The following NRG3 variants were observed in gnomAD, a reference collection of about 807,000 sequenced individuals.
The protein encoded by NRG3 is neuregulin 3.
NRG3 carries 31 observed loss-of-function variants against 66.9 expected under a neutral mutation model. The ratio of observed to expected loss-of-function variants is 0.46; its 90% CI spans 0.35 to 0.63. The LOEUF (loss-of-function observed/expected upper bound fraction) is 0.63. NRG3 is among the 20% of genes least tolerant of loss of function. The pLI is 0.00. For missense variants in NRG3, 910 were observed against 878.9 expected (o/e 1.04, Z -0.45); for synonymous variants, 393 against 359.4 (o/e 1.09, Z -1.06).
At chr10:82,968,824 T>A (rs1351524776) in intron 6 of NRG3, among the ~76,000 whole-genome samples, 2 of 152,284 alleles carry the variant, frequency 1.3e-5, no homozygotes, top group African/African-American at 2.4e-5. Flanking sequence ...TACCCAAGAC[T>A]GGATGATTTA....
intron 2 of NRG3, among the ~76,000 whole-genome samples, chr10:82,686,913 G>C (rs1164046600): frequency 2.0e-5 from 3 of 152,138 alleles, no homozygotes; most frequent in Non-Finnish European, 4.4e-5. Flanking sequence ...AACTTGACTG[G>C]GAGTTGTAAA....
intron 1 of NRG3, among the ~76,000 whole-genome samples, chr10:82,344,959 A>G (rs1253830011): frequency 2.7e-5 from 3 of 112,562 alleles, no homozygotes; most frequent in Non-Finnish European, 4.8e-5. Flanking sequence ...GATTCTGGAT[A>G]TTAGCCCTTT....
chr10:81,882,183 G>A (rs1260525975), intron 1 of NRG3, among the ~76,000 whole-genome samples: 8 of 152,196 alleles, frequency 5.3e-5, no homozygotes, highest in African/African-American at 1.9e-4. Flanking sequence ...GGCAGTTGCA[G>A]CAGAGTGTAG....
intron 4 of NRG3, among the ~76,000 whole-genome samples, chr10:82,898,945 C>T (rs1239461731): frequency 2.6e-5 from 4 of 151,828 alleles, no homozygotes; most frequent in East Asian, 1.9e-4. Flanking sequence ...CTCCTGACCT[C>T]GTGATCTGCC....
chr10:82,215,006 A>T (rs2075592089), intron 1 of NRG3, among the ~76,000 whole-genome samples: 1 of 152,182 alleles, frequency 6.6e-6, no homozygotes, highest in Non-Finnish European at 1.5e-5. Context: ...ATACCAGTTA[A>T]GTACTCATAT....
At chr10:82,805,080 C>A (rs1337720998) in intron 3 of NRG3, among the ~76,000 whole-genome samples, 2 of 152,228 alleles carry the variant, frequency 1.3e-5, no homozygotes, top group South Asian at 2.1e-4. Context: ...CACACAAATC[C>A]CCTGATGAAC....
At chr10:82,441,945 A>G (rs2090453585) in intron 2 of NRG3, among the ~76,000 whole-genome samples, 1 of 152,174 alleles carries the variant, frequency 6.6e-6, no homozygotes, top group Non-Finnish European at 1.5e-5. Context: ...CCAGAGCTTG[A>G]TAATTTAGTT....
At chr10:81,934,094 C>T (rs945431342) in intron 1 of NRG3, among the ~76,000 whole-genome samples, 3 of 152,098 alleles carry the variant, frequency 2.0e-5, no homozygotes, top group Non-Finnish European at 4.4e-5. Flanking sequence ...CAGACAGATC[C>T]CCAATTCAGA....
intron 1 of NRG3, among the ~76,000 whole-genome samples, chr10:82,023,022 A>T (rs2062132097): frequency 6.6e-6 from 1 of 151,502 alleles, no homozygotes; most frequent in Non-Finnish European, 1.5e-5. Flanking sequence ...ATCACCTCAG[A>T]TATTTATTCT....
chr10:82,026,171 A>G (rs1175596839), intron 1 of NRG3, among the ~76,000 whole-genome samples: 2 of 152,024 alleles, frequency 1.3e-5, no homozygotes, highest in African/African-American at 4.8e-5. Context: ...TACTAGCTTT[A>G]AGATCTCTGC....
intron 4 of NRG3, among the ~76,000 whole-genome samples, chr10:82,907,162 C>A (rs956352414): frequency 9.2e-5 from 14 of 152,206 alleles, no homozygotes; most frequent in African/African-American, 3.1e-4. Flanking sequence ...GTCTACCCTT[C>A]ATGCCTCTAG....
chr10:81,980,324 T>C (rs982054446), intron 1 of NRG3, among the ~76,000 whole-genome samples: 3 of 152,204 alleles, frequency 2.0e-5, no homozygotes, highest in African/African-American at 7.2e-5. Flanking sequence ...TAGCTAACTT[T>C]AGAAACAGTC....
rs1323794842 is a variant in NRG3 at position 82,178,292 on chromosome 10, A to G, written c.824-180447A>G. Among the ~76,000 whole-genome samples, 4 of 152,190 alleles carry G rather than the reference A, an allele frequency of 2.6e-5. No individual in the cohort carries two copies. The East Asian group carries it at 7.7e-4, about 29-fold the overall frequency. On this transcript the variant is annotated intron_variant, in intron 1 of 8. Coordinates refer to ENST00000372141, the MANE Select transcript of NRG3 (RefSeq NM_001010848.4). ...ATTATAAGTATAAAAGACAGTATTA[A>G]CTATAAGCACGATGAGGTACAGCAG...
At position 82,166,421 on chromosome 10, in the gene NRG3, C is replaced by G. The variant is rs575766637; in HGVS notation, c.824-192318C>G. ...AGCTGTTTTAGGATTTTTCATATATCTCTTTAACTATTAAAATCTATATTT... is the reference window on the plus strand; with the variant it reads ...AGCTGTTTTAGGATTTTTCATATATGTCTTTAACTATTAAAATCTATATTT... On this transcript the variant is annotated intron_variant, in intron 1 of 8. Coordinates refer to ENST00000372141, the MANE Select transcript of NRG3 (RefSeq NM_001010848.4). 7.2e-5 allele frequency among the ~76,000 whole-genome samples: 11 copies of G among 152,186 alleles called. No homozygotes were observed. The East Asian group carries it at 1.9e-3, about 27-fold the overall frequency.
rs771254342 is a variant in NRG3, at chr10:82,986,390, G to A, written c.*785G>A. The A allele has an allele frequency of 6.6e-5, 10 of 151,904 alleles. No homozygotes were observed. Among genetic ancestry groups the A allele is most frequent in the African/African-American group, 1.7e-4 (7 of 41,468 alleles). 9.4% of individuals were successfully genotyped at this position (151,904 alleles called of 1,614,324 possible). ...CCTGTGTGCACATGTGTGTGCGAGC[G>A]TGTGTGTGTGTGGACTTGCTCACGC... On this transcript the variant is annotated 3_prime_UTR_variant, in exon 9 of 9. Transcript: ENST00000372141.
At chr10:82,961,399 G>A (rs1850625975) in intron 6 of NRG3, among the ~76,000 whole-genome samples, 1 of 152,160 alleles carries the variant, frequency 6.6e-6, no homozygotes, top group Non-Finnish European at 1.5e-5. Context: ...TAATATAAAT[G>A]CATTGTCTCA....
intron 4 of NRG3, among the ~76,000 whole-genome samples, chr10:82,948,527 G>A (rs180832301): frequency 6.6e-6 from 1 of 152,168 alleles, no homozygotes; most frequent in East Asian, 1.9e-4. Context: ...TCATCTTGGG[G>A]AGAATTGACA....
At chr10:82,815,070 C>T (rs1293955127) in intron 3 of NRG3, among the ~76,000 whole-genome samples, 2 of 152,162 alleles carry the variant, frequency 1.3e-5, no homozygotes, top group Non-Finnish European at 2.9e-5. Flanking sequence ...TTGCGGTCAT[C>T]GCCGTCCTCC....
intron 2 of NRG3, among the ~76,000 whole-genome samples, chr10:82,487,548 TCATCATGAC>T (rs1842782509): frequency 6.6e-6 from 1 of 152,204 alleles, no homozygotes; most frequent in African/African-American, 2.4e-5. Context: ...GTTAAACATG[TCATCATGAC>T]CAGAGGCCAT....
Sources: gnomAD v4.1 joint callset for allele counts (sites outside exome capture counted in the v4.1 genomes callset) on GRCh38, gnomAD v4.1.1 for gene constraint, MANE v1.5 for transcripts, NCBI Gene and HGNC (gene_info 2026-07-23, HGNC 2026-07-21) for gene names.